LSM3: variants seen among roughly 807,000 people sequenced by gnomAD.
LSM3 encodes U6 snRNA-associated Sm-like protein LSm3.
In LSM3, 14 loss-of-function variants were observed where a neutral mutation model predicts 15.4. That is an observed-to-expected ratio of 0.91 (90% confidence interval 0.60 to 1.42). The LOEUF is 1.42. LSM3 is among the 40% of genes most tolerant of loss of function. The pLI, the probability that LSM3 is intolerant of heterozygous loss-of-function variation, is 0.00. For missense variants in LSM3, 88 were observed against 127.9 expected (o/e 0.69, Z 1.50); for synonymous variants, 46 against 45.1 (o/e 1.02, Z -0.08).
intron 3 of LSM3, among the ~76,000 whole-genome samples, chr3:14,192,022 C>T (rs1010551793): frequency 6.6e-6 from 1 of 152,092 alleles, no homozygotes; most frequent in African/African-American, 2.4e-5. Context: ...TTATTTCTGC[C>T]TTCATTTCAT....
chr3:14,188,913 C>T (rs888786456), intron 3 of LSM3, among the ~76,000 whole-genome samples: 6 of 152,002 alleles, frequency 3.9e-5, no homozygotes, highest in East Asian at 1.9e-4. Flanking sequence ...CCCATCAACC[C>T]GTCACCTACA....
chr3:14,188,945 C>G (rs942301503), intron 3 of LSM3, among the ~76,000 whole-genome samples: 1 of 152,124 alleles, frequency 6.6e-6, no homozygotes, highest in Non-Finnish European at 1.5e-5. Flanking sequence ...AATGTTATCC[C>G]TCCCCTAGCC....
chr3:14,181,353 T>A (rs771389422), intron 1 of LSM3, among the ~76,000 whole-genome samples: 1 of 152,242 alleles, frequency 6.6e-6, no homozygotes, highest in East Asian at 1.9e-4. Context: ...GCACGTATTA[T>A]GTGAAAAGCT....
chr3:14,194,802 T>TA (rs1382844739), intron 3 of LSM3, among the ~76,000 whole-genome samples: 5 of 102,830 alleles, frequency 4.9e-5, no homozygotes, highest in African/African-American at 7.3e-5. Context: ...TTTTTTTTTT[T>TA]AAACCTAGAG....
chr3:14,196,848 A>G (rs1390507988), intron 3 of LSM3, among the ~76,000 whole-genome samples: 1 of 152,210 alleles, frequency 6.6e-6, no homozygotes, highest in East Asian at 1.9e-4. Flanking sequence ...AATTTCTTTA[A>G]AAACTTAGAA....
At chr3:14,187,348 G>A (rs113572839) in intron 3 of LSM3, among the ~76,000 whole-genome samples, 28 of 152,304 alleles carry the variant, frequency 1.8e-4, no homozygotes, top group African/African-American at 5.5e-4. Context: ...CCTCTCTTGC[G>A]CCTAGAGTTG....
intron 3 of LSM3, among the ~76,000 whole-genome samples, chr3:14,185,089 G>T (rs1431796666): frequency 6.6e-6 from 1 of 151,080 alleles, no homozygotes; most frequent in Non-Finnish European, 1.5e-5. Context: ...AGTGGCTCAT[G>T]CCTGCAATCC....
chr3:14,190,321 T>C (rs994676987), intron 3 of LSM3, among the ~76,000 whole-genome samples: 1 of 152,202 alleles, frequency 6.6e-6, no homozygotes, highest in African/African-American at 2.4e-5. Context: ...TTTTTTTCAA[T>C]TCTGTGAAGA....
intron 3 of LSM3, among the ~76,000 whole-genome samples, chr3:14,187,130 C>G (rs1053193349): frequency 6.6e-6 from 1 of 152,184 alleles, no homozygotes; most frequent in African/African-American, 2.4e-5. Context: ...GCAGGGTCCA[C>G]CTGTGTCATC....
At chr3:14,197,039 C>G (rs1697193266) in intron 3 of LSM3, among the ~76,000 whole-genome samples, 1 of 152,236 alleles carries the variant, frequency 6.6e-6, no homozygotes, top group Admixed American at 6.5e-5. Context: ...GGTGGAAAGA[C>G]AACACCCTTA....
At position 14,183,109 on chromosome 3, in the gene LSM3, C is replaced by G. The variant is rs1271982324; in HGVS notation, c.133-828C>G. On this transcript the variant is annotated intron_variant, in intron 2 of 3. Transcript: ENST00000306024. Reference sequence around the variant, plus strand: ...GTTCCCTGTGTAAACTTGATGGTCTCTATCCTAAATGGCCCCAACTTTCTG... The same window carrying G: ...GTTCCCTGTGTAAACTTGATGGTCTGTATCCTAAATGGCCCCAACTTTCTG... Among the ~76,000 whole-genome samples, 6 of 152,218 alleles carry G rather than the reference C, an allele frequency of 3.9e-5. 1 individual carries two copies. The highest frequency in any genetic ancestry group is 4.1e-4 in the South Asian group (2 of 4,832).
At chr3:14,178,950 A>G (rs1696972983) in intron 1 of LSM3, 69 bp downstream of exon 1, 32 of 1,555,836 alleles carry the variant, frequency 2.1e-5, no homozygotes, top group Non-Finnish European at 2.8e-5. Flanking sequence ...AGACTCAGGA[A>G]AAATGGCCAG....
chr3:14,200,161 C>A lies in LSM3; in HGVS notation c.*2045C>A, dbSNP rs969711830. 2.0e-5 allele frequency: 3 copies of A among 152,064 alleles called. No individual in the cohort carries two copies. Among genetic ancestry groups the A allele is most frequent in the African/African-American group, 7.3e-5 (3 of 41,326 alleles). 9.4% of individuals were successfully genotyped at this position (152,064 alleles called of 1,614,324 possible). A position where few individuals can be genotyped will look rare whatever the true frequency, so the allele number is the denominator to read the frequency against. On this transcript the variant is annotated 3_prime_UTR_variant, in exon 4 of 4. Transcript: ENST00000306024. Reference sequence around the variant, plus strand: ...CCTTAATATCTGACACTGTTACTCTCATATGCACACACAACTAAAACATAC... The same window carrying A: ...CCTTAATATCTGACACTGTTACTCTAATATGCACACACAACTAAAACATAC...
In LSM3 at chr3:14,196,355, A is replaced by G. The variant is rs375392134; in HGVS notation, c.229-1681A>G. ...ACAGAACCATCTGTACCCCCAAAGG[A>G]TGCAAGCAGGATATCCAGCTCAGGG... On this transcript the variant is annotated intron_variant, in intron 3 of 3. Transcript: ENST00000306024. Among the ~76,000 whole-genome samples the G allele has an allele frequency of 7.0e-4, 107 of 152,248 alleles. 1 individual carries two copies. In the South Asian group the frequency reaches 0.02, roughly 29 times the overall value.
intron 3 of LSM3, among the ~76,000 whole-genome samples, chr3:14,190,353 G>A (rs1458552875): frequency 4.0e-4 from 61 of 152,060 alleles, no homozygotes; most frequent in Non-Finnish European, 5.9e-5. Context: ...AGGTTGATGG[G>A]GATAGCATTA....
intron 3 of LSM3, among the ~76,000 whole-genome samples, chr3:14,196,595 A>G (rs1697189595): frequency 6.6e-6 from 1 of 152,254 alleles, no homozygotes; most frequent in African/African-American, 2.4e-5. Flanking sequence ...GGTGAATCCC[A>G]CTGGGAAGGC....
chr3:14,188,577 C>T (rs1050056884), intron 3 of LSM3, among the ~76,000 whole-genome samples: 12 of 152,134 alleles, frequency 7.9e-5, no homozygotes, highest in African/African-American at 2.7e-4. Context: ...AGAATCTTCT[C>T]GTGTCTTTAT....
intron 3 of LSM3, among the ~76,000 whole-genome samples, chr3:14,195,080 G>A (rs1423745876): frequency 2.0e-5 from 3 of 152,092 alleles, no homozygotes; most frequent in South Asian, 2.1e-4. Flanking sequence ...TCTCAATGAC[G>A]TAATTATTCT....
At chr3:14,184,092 T>G in intron 3 of LSM3, 60 bp downstream of exon 3, 1 of 1,520,744 alleles carries the variant, frequency 6.6e-7, no homozygotes, top group Non-Finnish European at 8.8e-7. Context: ...CTCGAACAGC[T>G]TAACCCATAT....
Sources: gnomAD v4.1 joint callset for allele counts (sites outside exome capture counted in the v4.1 genomes callset) on GRCh38, gnomAD v4.1.1 for gene constraint, MANE v1.5 for transcripts, NCBI Gene and HGNC (gene_info 2026-07-23, HGNC 2026-07-21) for gene names.